RASAL2: variants seen among roughly 807,000 people sequenced by gnomAD.
RASAL2 encodes ras GTPase-activating protein nGAP.
RASAL2 carries 58 observed loss-of-function variants against 128.9 expected under a neutral mutation model. That is an observed-to-expected ratio of 0.45 (90% CI 0.36 to 0.56). The LOEUF is 0.56. Among genes scored for constraint, RASAL2 ranks in the 20% least tolerant of loss-of-function variants. The probability of loss-of-function intolerance (pLI) is 0.00; values close to 1 mark genes in which losing one functional copy is unlikely to be tolerated. For synonymous variants in RASAL2, 561 were observed against 580.8 expected (o/e 0.97, Z 0.49); for missense variants, 1,360 against 1,601.6 (o/e 0.85, Z 2.57).
At chr1:178,397,071 T>C (rs945232988) in intron 4 of RASAL2, among the ~76,000 whole-genome samples, 3 of 152,214 alleles carry the variant, frequency 2.0e-5, no homozygotes, top group Non-Finnish European at 4.4e-5. Context: ...TTTTGACAGC[T>C]CCTCAAAACA....
At chr1:178,356,167 T>A (rs1670796408) in intron 3 of RASAL2, among the ~76,000 whole-genome samples, 1 of 112,572 alleles carries the variant, frequency 8.9e-6, no homozygotes, top group African/African-American at 4.6e-5. Flanking sequence ...CAAGACTCTG[T>A]CTCAAAAAAA....
chr1:178,372,027 A>C (rs1398723407), intron 3 of RASAL2, among the ~76,000 whole-genome samples: 2 of 151,896 alleles, frequency 1.3e-5, no homozygotes, highest in African/African-American at 4.8e-5. Flanking sequence ...CCCTCTTTTA[A>C]CCCTATTTCT....
At chr1:178,106,285 G>T (rs538313651) in intron 1 of RASAL2, among the ~76,000 whole-genome samples, 1 of 152,150 alleles carries the variant, frequency 6.6e-6, no homozygotes, top group African/African-American at 2.4e-5. Flanking sequence ...ATCTATATTT[G>T]CATGTTCCAG....
chr1:178,189,490 T>G (rs572639716), intron 1 of RASAL2, among the ~76,000 whole-genome samples: 2 of 152,198 alleles, frequency 1.3e-5, no homozygotes, highest in African/African-American at 4.8e-5. Flanking sequence ...AATACATTTT[T>G]CTGGAAGCTT....
intron 3 of RASAL2, among the ~76,000 whole-genome samples, chr1:178,304,059 C>A (rs1488937532): frequency 6.6e-6 from 1 of 151,988 alleles, no homozygotes; most frequent in Admixed American, 6.6e-5. Flanking sequence ...ATTCATTGAG[C>A]ATATGTGTGT....
chr1:178,429,177 G>T (rs866048508), intron 5 of RASAL2, among the ~76,000 whole-genome samples: 10 of 152,026 alleles, frequency 6.6e-5, no homozygotes, highest in South Asian at 4.2e-4. Flanking sequence ...TGATGCTTTG[G>T]TTTCTTCATC....
intron 4 of RASAL2, among the ~76,000 whole-genome samples, chr1:178,419,981 T>C (rs1675035328): frequency 6.6e-6 from 1 of 152,224 alleles, no homozygotes; most frequent in Non-Finnish European, 1.5e-5. Context: ...ATTTTACAAC[T>C]TAGTTAACTC....
intron 3 of RASAL2, among the ~76,000 whole-genome samples, chr1:178,365,072 A>G (rs1288970667): frequency 7.0e-6 from 1 of 143,658 alleles, no homozygotes; most frequent in Non-Finnish European, 1.5e-5. Context: ...TTTTTTTTTT[A>G]TTACTTTACA....
At chr1:178,296,503 G>A (rs1485429595) in intron 2 of RASAL2, among the ~76,000 whole-genome samples, 1 of 151,890 alleles carries the variant, frequency 6.6e-6, no homozygotes, top group Non-Finnish European at 1.5e-5. Context: ...GGGACTGCAG[G>A]TGCATGCCAC....
intron 3 of RASAL2, among the ~76,000 whole-genome samples, chr1:178,343,935 G>T (rs1025402226): frequency 1.7e-4 from 26 of 152,092 alleles, no homozygotes; most frequent in Admixed American, 1.5e-3. Context: ...AATTTGGAAA[G>T]ATCAAATCAG....
Position 178,457,831 on chromosome 1 carries a change from A to C in RASAL2, c.2539A>C (p.Ser847Arg). The C allele has an allele frequency of 6.2e-7, 1 of 1,614,184 alleles. No individual in the cohort carries two copies. Among genetic ancestry groups the C allele is most frequent in the Non-Finnish European group, 8.5e-7 (1 of 1,180,044 alleles). The change falls in exon 14 of 18, where the codon AGC becomes CGC. Residue 847 changes from serine to arginine, a missense_variant. Coordinates refer to ENST00000367649, the MANE Select transcript of RASAL2 (RefSeq NM_170692.4). Reference sequence around the variant, plus strand: ...GGAAAGTAGCCTTCCTAATGGTCGGAGCGTCTCCCTCATGGACCTCCAGGA... The same window carrying C: ...GGAAAGTAGCCTTCCTAATGGTCGGCGCGTCTCCCTCATGGACCTCCAGGA... Reference protein sequence around the residue: ...ERESSLPNGRSVSLMDLQDTH... With the variant: ...ERESSLPNGRRVSLMDLQDTH...
chr1:178,351,345 G>A (rs973394126), intron 3 of RASAL2, among the ~76,000 whole-genome samples: 2 of 152,098 alleles, frequency 1.3e-5, no homozygotes, highest in Non-Finnish European at 2.9e-5. Flanking sequence ...ACTCATTCCA[G>A]TATTAACTCA....
chr1:178,286,116 A>G (rs1277009961), intron 2 of RASAL2, among the ~76,000 whole-genome samples: 1 of 152,064 alleles, frequency 6.6e-6, no homozygotes, highest in African/African-American at 2.4e-5. Context: ...ACTGTCTTCC[A>G]CTTGTCCTTC....
chr1:178,212,548 G>GT (rs1359113186), intron 1 of RASAL2, among the ~76,000 whole-genome samples: 1 of 152,146 alleles, frequency 6.6e-6, no homozygotes, highest in Non-Finnish European at 1.5e-5. Context: ...CTGGAGTGCA[G>GT]TGGCATGATC....
At chr1:178,288,150 C>T (rs1667117755) in intron 2 of RASAL2, among the ~76,000 whole-genome samples, 1 of 152,164 alleles carries the variant, frequency 6.6e-6, no homozygotes, top group Admixed American at 6.5e-5. Context: ...TACAAACCCA[C>T]TGATCACACC....
At chr1:178,250,872 T>C (rs1057429168) in intron 1 of RASAL2, among the ~76,000 whole-genome samples, 3 of 152,190 alleles carry the variant, frequency 2.0e-5, no homozygotes, top group African/African-American at 4.8e-5. Context: ...AATGTACTTA[T>C]TTTACAGATG....
chr1:178,472,532 A>G (rs1011785280), intron 17 of RASAL2, among the ~76,000 whole-genome samples: 3 of 152,038 alleles, frequency 2.0e-5, no homozygotes, highest in South Asian at 2.1e-4. Flanking sequence ...TTGCTGTTGC[A>G]ACCTCACCTT....
At chr1:178,218,472 A>T in intron 1 of RASAL2, among the ~76,000 whole-genome samples, 1 of 152,192 alleles carries the variant, frequency 6.6e-6, no homozygotes, top group Non-Finnish European at 1.5e-5. Context: ...GGATTACCTG[A>T]GGTCAGGAGT....
At chr1:178,154,508 A>C (rs1187202167) in intron 1 of RASAL2, among the ~76,000 whole-genome samples, 4 of 151,728 alleles carry the variant, frequency 2.6e-5, no homozygotes, top group Non-Finnish European at 5.9e-5. Context: ...ACTGTTTTAC[A>C]CTCCTATTAG....
Sources: allele counts gnomAD v4.1 joint callset (sites outside exome capture counted in the v4.1 genomes callset), GRCh38; gene constraint gnomAD v4.1.1; transcripts MANE v1.5; gene names NCBI Gene and HGNC (gene_info 2026-07-23, HGNC 2026-07-21).